IGFBP2: variants seen among roughly 807,000 people sequenced by gnomAD.
The protein encoded by IGFBP2 is insulin like growth factor binding protein 2.
IGFBP2 carries 12 observed loss-of-function variants against 26.2 expected under a neutral mutation model. That is an observed-to-expected ratio of 0.46 (90% CI 0.29 to 0.74). The LOEUF (loss-of-function observed/expected upper bound fraction) is 0.74. Among genes scored for constraint, IGFBP2 ranks in the 30% least tolerant of loss-of-function variants. The pLI is 0.09. For synonymous variants in IGFBP2, 189 were observed against 200.6 expected (o/e 0.94, Z 0.49); for missense variants, 328 against 441.2 (o/e 0.74, Z 2.30).
intron 1 of IGFBP2, among the ~76,000 whole-genome samples, chr2:216,656,987 G>A (rs545926434): frequency 6.6e-5 from 10 of 152,190 alleles, no homozygotes; most frequent in Non-Finnish European, 1.3e-4. Flanking sequence ...GCGGTAAGCA[G>A]GGTGATGCCA....
chr2:216,644,046 G>A (rs937936601), intron 1 of IGFBP2, among the ~76,000 whole-genome samples: 1 of 152,088 alleles, frequency 6.6e-6, no homozygotes, highest in African/African-American at 2.4e-5. Context: ...CCTGAACAAA[G>A]CCAGGGAAGA....
intron 1 of IGFBP2, among the ~76,000 whole-genome samples, chr2:216,642,968 A>G (rs1396964232): frequency 6.6e-6 from 1 of 152,202 alleles, no homozygotes; most frequent in Non-Finnish European, 1.5e-5. Flanking sequence ...GCAAGGATCC[A>G]GACTTCAGAA....
chr2:216,653,738 G>C (rs1270154952), intron 1 of IGFBP2, among the ~76,000 whole-genome samples: 1 of 152,116 alleles, frequency 6.6e-6, no homozygotes, highest in Non-Finnish European at 1.5e-5. Flanking sequence ...TGCCCTTCAA[G>C]CCCCCGACTA....
At chr2:216,655,203 T>A (rs1210126489) in intron 1 of IGFBP2, among the ~76,000 whole-genome samples, 1 of 152,122 alleles carries the variant, frequency 6.6e-6, no homozygotes, top group Non-Finnish European at 1.5e-5. Flanking sequence ...TGCATCACCA[T>A]GCCTGGCTAT....
At chr2:216,656,388 T>A (rs1027277431) in intron 1 of IGFBP2, among the ~76,000 whole-genome samples, 5 of 152,126 alleles carry the variant, frequency 3.3e-5, no homozygotes, top group Non-Finnish European at 7.4e-5. Context: ...ATGCGGAATA[T>A]AGTGGAGCTA....
intron 1 of IGFBP2, among the ~76,000 whole-genome samples, chr2:216,640,684 G>C (rs1311414011): frequency 6.6e-6 from 1 of 152,222 alleles, no homozygotes; most frequent in Non-Finnish European, 1.5e-5. Flanking sequence ...CCTTCCCACT[G>C]CACCCCTCTA....
chr2:216,641,689 T>A (rs963232484), intron 1 of IGFBP2, among the ~76,000 whole-genome samples: 1 of 85,106 alleles, frequency 1.2e-5, no homozygotes, highest in South Asian at 3.1e-4. Context: ...CGGGCTTGCA[T>A]TTTTTTTTTT....
chr2:216,645,188 G>A (rs912887158), intron 1 of IGFBP2, among the ~76,000 whole-genome samples: 2 of 152,224 alleles, frequency 1.3e-5, no homozygotes, highest in Non-Finnish European at 2.9e-5. Context: ...ATGCTGAGCA[G>A]TTGCTATAGC....
At chr2:216,641,998 C>CATT (rs1697625328) in intron 1 of IGFBP2, among the ~76,000 whole-genome samples, 1 of 135,156 alleles carries the variant, frequency 7.4e-6, no homozygotes, top group Admixed American at 7.6e-5. Context: ...ACCAGGCTTA[C>CATT]ATTTTTTTTT....
In IGFBP2 at chr2:216,644,399, C is replaced by T. The variant is rs368000992; in HGVS notation, c.442+10434C>T. On this transcript the variant is annotated intron_variant, in intron 1 of 3. Transcript: ENST00000233809. ...GGGGAGGTTTCTAATTAGTGGAGGA[C>T]GGTGAAGGTGTGGCAGCCTGTGTTC... Among the ~76,000 whole-genome samples, 39 of 152,120 alleles carry T rather than the reference C, an allele frequency of 2.6e-4. No homozygotes were observed. In the East Asian group the frequency reaches 3.3e-3, roughly 13 times the overall value.
chr2:216,635,158 C>T (rs1208518695), intron 1 of IGFBP2, among the ~76,000 whole-genome samples: 13 of 151,978 alleles, frequency 8.6e-5, no homozygotes, highest in Admixed American at 8.5e-4. Context: ...TGTTTTTTTC[C>T]CTGTTCTCCT....
At chr2:216,634,057 C>T (rs533251929) in intron 1 of IGFBP2, 92 bp downstream of exon 1, 9 of 1,440,404 alleles carry the variant, frequency 6.2e-6, no homozygotes, top group Middle Eastern at 5.0e-4. Context: ...GTTTTAGGGG[C>T]GGCAGAGCCG....
chr2:216,634,688 G>C (rs1287792712), intron 1 of IGFBP2, among the ~76,000 whole-genome samples: 1 of 152,184 alleles, frequency 6.6e-6, no homozygotes, highest in African/African-American at 2.4e-5. Flanking sequence ...CCCTGGACGG[G>C]GGCAGCCAGG....
At chr2:216,636,470 C>G (rs977287665) in intron 1 of IGFBP2, among the ~76,000 whole-genome samples, 2 of 151,152 alleles carry the variant, frequency 1.3e-5, no homozygotes, top group African/African-American at 4.9e-5. Context: ...GGGGTGGGCA[C>G]ATCAGTGGGT....
At chr2:216,661,591 C>G in intron 2 of IGFBP2, 1 of 546,486 alleles carries the variant, frequency 1.8e-6, no homozygotes, top group Non-Finnish European at 3.3e-6. Context: ...AGAGCCCATT[C>G]TGACACATGA....
chr2:216,640,802 G>A (rs887536151), intron 1 of IGFBP2, among the ~76,000 whole-genome samples: 1 of 152,194 alleles, frequency 6.6e-6, no homozygotes, highest in African/African-American at 2.4e-5. Context: ...GATGTATGGG[G>A]CACAGTAAAT....
At chr2:216,663,843 A>G (rs1688704016) in intron 3 of IGFBP2, 97 bp from the exon 4 acceptor site, 1 of 1,313,298 alleles carries the variant, frequency 7.6e-7, no homozygotes, top group Non-Finnish European at 1.0e-6. Context: ...GCGCATGGGT[A>G]GCTGCAAGGG....
chr2:216,644,791 C>T (rs1219659134), intron 1 of IGFBP2, among the ~76,000 whole-genome samples: 1 of 152,196 alleles, frequency 6.6e-6, no homozygotes, highest in Non-Finnish European at 1.5e-5. Flanking sequence ...CCTCGAGATT[C>T]TCTCCACTTA....
rs1480375169 is a variant in IGFBP2, at chr2:216,660,687, C to G, written c.573C>G (p.Phe191Leu). The G allele has an allele frequency of 6.2e-7, 1 of 1,613,920 alleles. No homozygotes were observed. The highest frequency in any genetic ancestry group is 8.5e-7 in the Non-Finnish European group (1 of 1,180,018). ...LKSGMKELAVFREKVTEQHRQ... is the reference protein window; with the variant it reads ...LKSGMKELAVLREKVTEQHRQ... ...CGGGTATGAAGGAGCTGGCCGTGTTCCGGGAGAAGGTCACTGAGCAGCACC... is the reference window on the plus strand; with the variant it reads ...CGGGTATGAAGGAGCTGGCCGTGTTGCGGGAGAAGGTCACTGAGCAGCACC... Residue 191 changes from phenylalanine to leucine, a missense_variant, in exon 2 of 4, where the codon TTC becomes TTG. Phe to Leu is a conservative substitution (Grantham distance 22, BLOSUM62 0). Transcript: ENST00000233809.
Sources: gnomAD v4.1 joint callset for allele counts (sites outside exome capture counted in the v4.1 genomes callset) on GRCh38, gnomAD v4.1.1 for gene constraint, MANE v1.5 for transcripts, NCBI Gene and HGNC (gene_info 2026-07-23, HGNC 2026-07-21) for gene names.